The following SLC35F5 variants were observed in gnomAD, a reference collection of about 807,000 sequenced individuals.
SLC35F5 encodes the protein HCV NS5A-transactivated protein 3.
SLC35F5 carries 54 observed loss-of-function variants against 68.6 expected under a neutral mutation model. The ratio of observed to expected loss-of-function variants is 0.79; its 90% CI spans 0.63 to 0.99. SLC35F5 has a LOEUF of 0.99. Among genes scored for constraint, SLC35F5 ranks in the 50% least tolerant of loss-of-function variants. The pLI, the probability that SLC35F5 is intolerant of heterozygous loss-of-function variation, is 0.00. For missense variants in SLC35F5, 567 were observed against 626.9 expected (o/e 0.90, Z 1.02); for synonymous variants, 211 against 205.2 (o/e 1.03, Z -0.24).
intron 7 of SLC35F5, among the ~76,000 whole-genome samples, chr2:113,737,780 G>A (rs1688146334): frequency 6.6e-6 from 1 of 151,882 alleles, no homozygotes; most frequent in South Asian, 2.1e-4. Context: ...TCCATTCTCT[G>A]GCTCTTGTTT....
At chr2:113,733,826 G>A (rs1687985094) in intron 9 of SLC35F5, among the ~76,000 whole-genome samples, 1 of 152,242 alleles carries the variant, frequency 6.6e-6, no homozygotes, top group African/African-American at 2.4e-5. Flanking sequence ...GCAAACAGCA[G>A]AGCTCTTATT....
chr2:113,731,556 C>G (rs1181899424), intron 10 of SLC35F5, 28 bp downstream of exon 10: 1 of 1,585,768 alleles, frequency 6.3e-7, no homozygotes. Flanking sequence ...TTTACTCTAA[C>G]AGAGAGAATC....
chr2:113,752,217 C>CAAA (rs11386050), intron 3 of SLC35F5, among the ~76,000 whole-genome samples: 6 of 113,146 alleles, frequency 5.3e-5, no homozygotes, highest in Non-Finnish European at 8.9e-5. Flanking sequence ...TGTCCCATCT[C>CAAA]AAAAAAAAAA....
rs548352179 is a variant in SLC35F5, at chr2:113,706,929, T to G, written c.*8289A>C. On this transcript the variant is annotated 3_prime_UTR_variant, in exon 16 of 16. Transcript: ENST00000245680. ...AAATAATGTTCCCAAATTATATAGT[T>G]TAAAATACACAATGTTTCAAGTTGC... is the stretch of plus-strand genomic sequence containing the variant. 6.6e-6 allele frequency among the ~76,000 whole-genome samples: 1 copy of G among 152,288 alleles called. No homozygotes were observed. The highest frequency in any genetic ancestry group is 2.4e-5 in the African/African-American group (1 of 41,566).
rs536199565 is a variant in SLC35F5 at position 113,741,659 on chromosome 2, C to T, written c.750+1033G>A. ...GAGGTTGTGGTGAGCTGAGATCGCG[C>T]CATTGCACTCCAGCCTGGGCAACAA... On this transcript the variant is annotated intron_variant, in intron 7 of 15. Transcript: ENST00000245680. Among the ~76,000 whole-genome samples the T allele has an allele frequency of 8.0e-5, 12 of 149,316 alleles. No homozygotes were observed. In the East Asian group the frequency reaches 1.7e-3, roughly 22 times the overall value.
At chr2:113,716,862 G>T (rs754621099) in intron 15 of SLC35F5, among the ~76,000 whole-genome samples, 1 of 152,098 alleles carries the variant, frequency 6.6e-6, no homozygotes, top group Non-Finnish European at 1.5e-5. Flanking sequence ...AGAAAACCAG[G>T]ACCATTAGCT....
intron 14 of SLC35F5, 28 bp downstream of exon 14, chr2:113,719,126 T>A (rs567295730): frequency 1.3e-6 from 2 of 1,582,238 alleles, no homozygotes. Context: ...ACACTATTTT[T>A]AAAAATGTGT....
At chr2:113,725,082 C>T (rs1687605343) in intron 12 of SLC35F5, among the ~76,000 whole-genome samples, 1 of 152,188 alleles carries the variant, frequency 6.6e-6, no homozygotes, top group African/African-American at 2.4e-5. Flanking sequence ...TGACTACTTT[C>T]ATTTGCATAA....
At chr2:113,722,164 G>A (rs190484335) in intron 13 of SLC35F5, among the ~76,000 whole-genome samples, 142 of 151,696 alleles carry the variant, frequency 9.4e-4, no homozygotes, top group Admixed American at 2.6e-3. Flanking sequence ...TAGTAGAGAC[G>A]GGGTTTCACC....
Position 113,756,172 on chromosome 2 carries a change from C to T in SLC35F5, c.40+198G>A, listed in dbSNP as rs1676978187. The T allele has an allele frequency of 3.4e-6, 5 of 1,459,130 alleles. No homozygotes were observed. The Admixed American group carries it at 1.0e-4, about 30-fold the overall frequency. The allele number at this position is 1,459,130 out of a possible 1,614,324, so 90.4% of individuals were successfully genotyped here. ...CGGGGAGCCGAGGCGAGGGCGCACGCACGGCTTCCTCAATTGCCAGCGGTG... is the reference window on the plus strand; with the variant it reads ...CGGGGAGCCGAGGCGAGGGCGCACGTACGGCTTCCTCAATTGCCAGCGGTG... On this transcript the variant is annotated intron_variant, in intron 1 of 15. Transcript: ENST00000245680.
Position 113,708,329 on chromosome 2 carries a change from T to G in SLC35F5, c.*6889A>C, listed in dbSNP as rs1226583918. On this transcript the variant is annotated 3_prime_UTR_variant, in exon 16 of 16. Coordinates refer to ENST00000245680, the MANE Select transcript of SLC35F5 (RefSeq NM_025181.5). Reference sequence around the variant, plus strand: ...TAAAAGATGAGAAAACCTCGTAGTATTTTAGTCTGGTACTTTTAGCATCCC... The same window carrying G: ...TAAAAGATGAGAAAACCTCGTAGTAGTTTAGTCTGGTACTTTTAGCATCCC... Among the ~76,000 whole-genome samples, 1 of 152,208 alleles carries G rather than the reference T, an allele frequency of 6.6e-6. No homozygotes were observed. The highest frequency in any genetic ancestry group is 2.4e-5 in the African/African-American group (1 of 41,452).
intron 7 of SLC35F5, among the ~76,000 whole-genome samples, chr2:113,741,116 C>CTTT: frequency 6.6e-6 from 1 of 152,174 alleles, no homozygotes; most frequent in African/African-American, 2.4e-5. Context: ...AAAGGAAATT[C>CTTT]TGACACAAGT....
At chr2:113,724,327 C>G (rs889741256) in intron 12 of SLC35F5, among the ~76,000 whole-genome samples, 1 of 152,062 alleles carries the variant, frequency 6.6e-6, no homozygotes, top group African/African-American at 2.4e-5. Context: ...AAGGCTAAAG[C>G]CTTTTGTCAT....
chr2:113,733,003 T>C (rs1340627646), intron 9 of SLC35F5, among the ~76,000 whole-genome samples: 2 of 152,184 alleles, frequency 1.3e-5, no homozygotes, highest in East Asian at 3.8e-4. Flanking sequence ...TTATGTAAAA[T>C]TCTTTTTATA....
intron 6 of SLC35F5, 61 bp downstream of exon 6, chr2:113,743,652 C>G (rs900787714): frequency 5.1e-6 from 7 of 1,369,118 alleles, no homozygotes; most frequent in Non-Finnish European, 7.2e-6. Context: ...CACATCATCA[C>G]TAAGTTCTGA....
rs1412388159 is a variant in SLC35F5, at chr2:113,708,655, G to A, written c.*6563C>T. On this transcript the variant is annotated 3_prime_UTR_variant, in exon 16 of 16. Transcript: ENST00000245680. The stretch of plus-strand genomic sequence containing the variant: ...CAGGAGGCAGAGGTTAGAGTGAGCC[G>A]AGATCGTGCCACTGCACTTCAGCCT... Among the ~76,000 whole-genome samples, 5 of 152,116 alleles carry A rather than the reference G, an allele frequency of 3.3e-5. No homozygotes were observed. Among genetic ancestry groups the A allele is most frequent in the Admixed American group, 1.3e-4 (2 of 15,270 alleles).
rs146845885 is a variant in SLC35F5 at position 113,709,681 on chromosome 2, G to A, written c.*5537C>T. Among the ~76,000 whole-genome samples, 3 of 152,168 alleles carry A rather than the reference G, an allele frequency of 2.0e-5. No individual in the cohort carries two copies. The highest frequency in any genetic ancestry group is 7.2e-5 in the African/African-American group (3 of 41,438). ...TCTTCTCAGAGTAATAATCTGCAAAGTGTGGTCCTGGGACCAGCAGCTGGG... is the reference window on the plus strand; with the variant it reads ...TCTTCTCAGAGTAATAATCTGCAAAATGTGGTCCTGGGACCAGCAGCTGGG... On this transcript the variant is annotated 3_prime_UTR_variant, in exon 16 of 16. Transcript: ENST00000245680.
chr2:113,736,060 C>A (rs1361919923), intron 7 of SLC35F5, among the ~76,000 whole-genome samples: 3 of 151,352 alleles, frequency 2.0e-5, no homozygotes, highest in African/African-American at 4.9e-5. Flanking sequence ...TACCCAATTT[C>A]CCTTAAAATT....
intron 3 of SLC35F5, among the ~76,000 whole-genome samples, chr2:113,754,172 C>T (rs1042149353): frequency 1.3e-5 from 2 of 151,820 alleles, no homozygotes; most frequent in African/African-American, 4.8e-5. Flanking sequence ...TGCCTGTAAT[C>T]CCAGCTATTC....
Sources: allele counts gnomAD v4.1 joint callset (sites outside exome capture counted in the v4.1 genomes callset), GRCh38; gene constraint gnomAD v4.1.1; transcripts MANE v1.5; gene names NCBI Gene and HGNC (gene_info 2026-07-23, HGNC 2026-07-21).